Variants in ZNF717 observed in about 807,000 individuals in gnomAD.
The protein encoded by ZNF717 is zinc finger protein 717.
A neutral mutation model predicts 13.8 loss-of-function variants in ZNF717; 9 were observed. The observed-to-expected ratio is 0.65, with a 90% CI of 0.39 to 1.14. The LOEUF (loss-of-function observed/expected upper bound fraction) is 1.14, where lower values mean the gene tolerates loss of function less well. Among genes scored for constraint, ZNF717 ranks in the 50% most tolerant of loss-of-function variants. The probability of loss-of-function intolerance (pLI) is 0.01; values close to 1 mark genes in which losing one functional copy is unlikely to be tolerated. For missense variants in ZNF717, 1,040 were observed against 1,080.7 expected (o/e 0.96, Z 0.53); for synonymous variants, 327 against 364.1 (o/e 0.90, Z 1.16).
chr3:75,770,500 C>T (rs954243169), intron 2 of ZNF717, among the ~76,000 whole-genome samples: 2 of 152,092 alleles, frequency 1.3e-5, no homozygotes, highest in African/African-American at 4.8e-5. Flanking sequence ...GTGGAGGCTG[C>T]GGTGAGCCAA....
rs76826286 is a variant in ZNF717, at chr3:75,737,741, A to C, written c.1882T>G (p.Phe628Val). The C allele has an allele frequency of 6.5e-7, 1 of 1,546,734 alleles. No homozygotes were observed. The highest frequency in any genetic ancestry group is 8.7e-7 in the Non-Finnish European group (1 of 1,143,336). ...GTGCTGAGATTTGACTTCTGACGAA[A>C]GGTTTTTCCACATTCATTACATTCA... ...PYECNECGKT[F>V]RQKSNLSTHQ... Residue 628 changes from phenylalanine to valine, a missense_variant, in exon 5 of 5, where the codon TTT becomes GTT. Around this residue, in one of 3 missense-constraint regions of ZNF717, gnomAD observed 873 missense variants for 832.8 expected, o/e 1.05. Coordinates refer to ENST00000652011, the MANE Select transcript of ZNF717 (RefSeq NM_001290208.3).
At chr3:75,740,181 GT>G (rs1462346226) in intron 4 of ZNF717, among the ~76,000 whole-genome samples, 3 of 152,114 alleles carry the variant, frequency 2.0e-5, no homozygotes, top group Non-Finnish European at 4.4e-5. Flanking sequence ...TTTATTTTGT[GT>G]TTTGGAGTTT....
intron 2 of ZNF717, among the ~76,000 whole-genome samples, chr3:75,769,923 G>A (rs940222395): frequency 6.6e-6 from 1 of 152,190 alleles, no homozygotes; most frequent in Admixed American, 6.5e-5. Flanking sequence ...TGTATACATT[G>A]CATATTAACA....
chr3:75,783,283 T>C, intron 2 of ZNF717, 23 bp downstream of exon 2: 1 of 1,536,654 alleles, frequency 6.5e-7, no homozygotes, highest in Non-Finnish European at 8.8e-7. Flanking sequence ...TAAAACAAAG[T>C]GAAGAACAAA....
Position 75,739,255 on chromosome 3 carries a change from G to C in ZNF717, c.368C>G (p.Ser123Ter), listed in dbSNP as rs1255450431. The C allele has an allele frequency of 6.5e-7, 1 of 1,537,420 alleles. No individual in the cohort carries two copies. Among genetic ancestry groups the C allele is most frequent in the Non-Finnish European group, 8.8e-7 (1 of 1,141,164 alleles). Residue 123 changes from serine to a stop codon, truncating the protein, a stop_gained, in exon 5 of 5, where the codon TCA becomes TGA. Coordinates refer to ENST00000652011, the MANE Select transcript of ZNF717 (RefSeq NM_001290208.3). LOFTEE classifies it low-confidence loss of function (END_TRUNC). ...WQIVITNSNT[S>*]TQERVELGKT... Reference sequence around the variant, plus strand: ...TCCTAATTCAACTCTCTCCTGAGTTGATGTGTTGCTGTTGGTGATTACAAT... The same window carrying C: ...TCCTAATTCAACTCTCTCCTGAGTTCATGTGTTGCTGTTGGTGATTACAAT...
At chr3:75,773,746 G>T (rs112609917) in intron 2 of ZNF717, among the ~76,000 whole-genome samples, 3,383 of 151,986 alleles carry the variant, frequency 0.022, 73 homozygotes, top group African/African-American at 0.076. Flanking sequence ...AGAGCAAGAC[G>T]CTATCTTTAA....
downstream of ZNF717, among the ~76,000 whole-genome samples, chr3:75,705,795 C>A (rs1559567334): frequency 6.6e-6 from 1 of 152,310 alleles, no homozygotes; most frequent in African/African-American, 2.4e-5. Context: ...TCTGAATTAG[C>A]CATATGCAAG....
At chr3:75,740,587 T>C (rs76375600) in intron 4 of ZNF717, among the ~76,000 whole-genome samples, 6 of 150,060 alleles carry the variant, frequency 4.0e-5, no homozygotes, top group African/African-American at 1.5e-4. Context: ...TTTTTTTTTT[T>C]TGTAGGTGGT....
intron 6 of ZNF717, among the ~76,000 whole-genome samples, chr3:75,697,052 G>T (rs1392401159): frequency 2.6e-5 from 4 of 152,326 alleles, no homozygotes; most frequent in African/African-American, 9.6e-5. Flanking sequence ...AGTCATATAT[G>T]ACAGACCAAC....
chr3:75,759,298 C>T (rs57311898), intron 2 of ZNF717, among the ~76,000 whole-genome samples: 5 of 142,966 alleles, frequency 3.5e-5, no homozygotes, highest in Admixed American at 7.0e-5. Flanking sequence ...TTTTTTGAGA[C>T]GGAGTCTTGC....
At chr3:75,734,297 C>G (rs1938881652), downstream of ZNF717, among the ~76,000 whole-genome samples, 1 of 151,998 alleles carries the variant, frequency 6.6e-6, no homozygotes, top group South Asian at 2.1e-4. Context: ...TCTTGAATTC[C>G]TAACCTCATG....
At chr3:75,697,188 G>C (rs796398044) in intron 6 of ZNF717, among the ~76,000 whole-genome samples, 1 of 149,868 alleles carries the variant, frequency 6.7e-6, no homozygotes, top group Non-Finnish European at 1.5e-5. Context: ...GGAGCAATCA[G>C]ACAAGAGAAA....
chr3:75,704,019 A>C, intron 6 of ZNF717, among the ~76,000 whole-genome samples: 1 of 152,306 alleles, frequency 6.6e-6, no homozygotes, highest in Non-Finnish European at 1.5e-5. Flanking sequence ...ATTTTTTGTA[A>C]GGATAATATT....
At chr3:75,784,624 G>A (rs558098288) in intron 1 of ZNF717, among the ~76,000 whole-genome samples, 131 of 152,250 alleles carry the variant, frequency 8.6e-4, no homozygotes, top group African/African-American at 3.1e-3. Context: ...CTTCAAATAA[G>A]GAATATTTCC....
rs769676088 is a variant in ZNF717 at position 75,737,213 on chromosome 3, G to A, written c.2410C>T (p.His804Tyr). 2.6e-6 allele frequency: 4 copies of A among 1,553,956 alleles called. No homozygotes were observed. Among genetic ancestry groups the A allele is most frequent in the African/African-American group, 2.7e-5 (2 of 73,074 alleles). ...TTCTCACCTGTGTGAGTTCTCTGAT[G>A]TATGGTGAGAACTGTCTTATCGTAA... ...TFYDKTVLTI[H>Y]QRTHTGEKPF... The change falls in exon 5 of 5, where the codon CAT becomes TAT. Residue 804 changes from histidine to tyrosine, a missense_variant. By Grantham distance (83) the His-to-Tyr change is moderately conservative. Coordinates refer to ENST00000652011, the MANE Select transcript of ZNF717 (RefSeq NM_001290208.3).
chr3:75,782,353 T>C (rs1007320592), intron 2 of ZNF717, among the ~76,000 whole-genome samples: 6 of 152,218 alleles, frequency 3.9e-5, no homozygotes, highest in African/African-American at 1.4e-4. Flanking sequence ...TAAGGACCTG[T>C]GGTTAACTCA....
chr3:75,721,326 G>T (rs1938161139), intron 4 of ZNF717, among the ~76,000 whole-genome samples: 1 of 152,166 alleles, frequency 6.6e-6, no homozygotes, highest in Admixed American at 6.6e-5. Context: ...CTGTCACCCA[G>T]ACTGGATTGC....
intron 2 of ZNF717, among the ~76,000 whole-genome samples, chr3:75,762,945 G>A (rs1030674706): frequency 2.0e-5 from 3 of 152,140 alleles, no homozygotes; most frequent in African/African-American, 7.2e-5. Flanking sequence ...CAATGGTGAA[G>A]GACAGTTTCT....
chr3:75,743,001 T>C (rs1450087501), intron 2 of ZNF717, among the ~76,000 whole-genome samples: 2 of 152,186 alleles, frequency 1.3e-5, no homozygotes, highest in African/African-American at 2.4e-5. Flanking sequence ...AAACCTGATA[T>C]TGGCATTGCA....
Sources: allele counts gnomAD v4.1 joint callset (sites outside exome capture counted in the v4.1 genomes callset), GRCh38; gene constraint gnomAD v4.1.1; regional missense constraint gnomAD v4.1.1; transcripts MANE v1.5; gene names NCBI Gene and HGNC (gene_info 2026-07-23, HGNC 2026-07-21).